The following HTR1F variants were observed in gnomAD, a reference collection of about 807,000 sequenced individuals.
The protein encoded by HTR1F is 5-hydroxytryptamine receptor 1F, also known as 5-hydroxytryptamine (serotonin) receptor 1F, G protein-coupled.
In HTR1F, 17 loss-of-function variants were observed where a neutral mutation model predicts 24.0. The ratio of observed to expected loss-of-function variants is 0.71; its 90% CI spans 0.48 to 1.06. HTR1F has a LOEUF of 1.06. Among genes scored for constraint, HTR1F ranks in the 50% least tolerant of loss-of-function variants. The probability of loss-of-function intolerance (pLI) is 0.00; values close to 1 mark genes in which losing one functional copy is unlikely to be tolerated. For missense variants in HTR1F, 391 were observed against 427.8 expected, an observed-to-expected ratio of 0.91 and a Z score of 0.76; for synonymous variants, 186 against 156.8, an observed-to-expected ratio of 1.19 and a Z score of -1.39.
At chr3:87,978,262 C>T (rs970444329) in intron 2 of HTR1F, among the ~76,000 whole-genome samples, 2 of 152,176 alleles carry the variant, frequency 1.3e-5, no homozygotes, top group Non-Finnish European at 1.5e-5. Context: ...TGCACCACTC[C>T]CTGAGCTCCC....
intron 2 of HTR1F, among the ~76,000 whole-genome samples, chr3:87,934,836 T>C (rs1004329371): frequency 6.6e-6 from 1 of 152,166 alleles, no homozygotes; most frequent in African/African-American, 2.4e-5. Flanking sequence ...AAATTCAGAA[T>C]GTCTGAATTT....
chr3:87,840,823 C>T (rs1242887669), intron 2 of HTR1F, among the ~76,000 whole-genome samples: 1 of 151,830 alleles, frequency 6.6e-6, no homozygotes, highest in Admixed American at 6.6e-5. Context: ...GTTAAATTCA[C>T]CAGGCACAGA....
chr3:87,912,182 A>C (rs959880843), intron 2 of HTR1F, among the ~76,000 whole-genome samples: 1 of 152,076 alleles, frequency 6.6e-6, no homozygotes, highest in Non-Finnish European at 1.5e-5. Context: ...TCTAAGCACA[A>C]AAGCTCCTTA....
At chr3:87,986,163 T>G (rs1478928806) in intron 2 of HTR1F, among the ~76,000 whole-genome samples, 2 of 152,278 alleles carry the variant, frequency 1.3e-5, no homozygotes, top group Non-Finnish European at 2.9e-5. Flanking sequence ...ACCATGAAGA[T>G]GCACAGCAGG....
intron 2 of HTR1F, among the ~76,000 whole-genome samples, chr3:87,941,465 G>A (rs1175361541): frequency 3.3e-5 from 5 of 152,194 alleles, no homozygotes. Context: ...CACAGGTAGA[G>A]AGGAAATTTA....
At chr3:87,948,848 A>G (rs1704771745) in intron 2 of HTR1F, among the ~76,000 whole-genome samples, 1 of 152,196 alleles carries the variant, frequency 6.6e-6, no homozygotes, top group Non-Finnish European at 1.5e-5. Context: ...TTTTAATGTT[A>G]TGCCATGTTT....
chr3:87,938,998 C>G (rs929754871), intron 2 of HTR1F, among the ~76,000 whole-genome samples: 2 of 152,138 alleles, frequency 1.3e-5, no homozygotes, highest in African/African-American at 4.8e-5. Flanking sequence ...AAGCAAATAA[C>G]CTACAGAAAA....
At chr3:87,987,830 A>T (rs536864664) in intron 2 of HTR1F, among the ~76,000 whole-genome samples, 5 of 144,538 alleles carry the variant, frequency 3.5e-5, no homozygotes, top group East Asian at 2.0e-4. Context: ...TATATATATA[A>T]AATATATGTA....
chr3:87,897,236 T>TTA (rs57031236), intron 2 of HTR1F, among the ~76,000 whole-genome samples: 44,261 of 146,420 alleles, frequency 0.3, 7,916 homozygotes, highest in African/African-American at 0.51. Context: ...TATAAATGTT[T>TTA]TATATATATA....
chr3:87,859,741 TTTAAC>T (rs1459697960), intron 2 of HTR1F, among the ~76,000 whole-genome samples: 2 of 152,160 alleles, frequency 1.3e-5, no homozygotes, highest in Non-Finnish European at 2.9e-5. Context: ...ACCACTAAGT[TTTAAC>T]TTAATTCATT....
intron 2 of HTR1F, among the ~76,000 whole-genome samples, chr3:87,971,133 C>T (rs1025383155): frequency 6.6e-6 from 1 of 152,182 alleles, no homozygotes; most frequent in Non-Finnish European, 1.5e-5. Flanking sequence ...ACATATTCAC[C>T]AGCTGTAAAT....
chr3:87,912,077 A>G (rs1258719550), intron 2 of HTR1F, among the ~76,000 whole-genome samples: 1 of 152,106 alleles, frequency 6.6e-6, no homozygotes, highest in Non-Finnish European at 1.5e-5. Context: ...GCAATCAGAC[A>G]AGAGAAAGAA....
At chr3:87,983,311 T>C (rs1485929374) in intron 2 of HTR1F, among the ~76,000 whole-genome samples, 1 of 152,108 alleles carries the variant, frequency 6.6e-6, no homozygotes, top group Non-Finnish European at 1.5e-5. Flanking sequence ...ATGGCAAATA[T>C]AGGCAAGGTT....
At chr3:87,842,840 G>T (rs753565200) in intron 2 of HTR1F, among the ~76,000 whole-genome samples, 3 of 151,844 alleles carry the variant, frequency 2.0e-5, no homozygotes, top group South Asian at 2.1e-4. Flanking sequence ...GATTTTCCTC[G>T]ATCAGAGATC....
rs1224922029 is a variant in HTR1F, at chr3:87,991,770, C to A, written c.1021C>A (p.Leu341Ile). The A allele has an allele frequency of 6.2e-7, 1 of 1,612,130 alleles. No homozygotes were observed. Among genetic ancestry groups the A allele is most frequent in the South Asian group, 1.1e-5 (1 of 90,628 alleles). Residue 341 changes from leucine to isoleucine, a missense_variant, in exon 3 of 3, where the codon CTT becomes ATT. Coordinates refer to ENST00000319595, the MANE Select transcript of HTR1F (RefSeq NM_001322209.2). Reference protein sequence around the residue: ...FLAWLGYLNSLINPLIYTIFN... With the variant: ...FLAWLGYLNSIINPLIYTIFN... Reference sequence around the variant, plus strand: ...GGCATGGCTTGGGTATCTCAATTCCCTTATAAATCCACTGATTTACACAAT... The same window carrying A: ...GGCATGGCTTGGGTATCTCAATTCCATTATAAATCCACTGATTTACACAAT...
At chr3:87,824,257 A>T (rs943906908) in intron 2 of HTR1F, among the ~76,000 whole-genome samples, 2 of 152,146 alleles carry the variant, frequency 1.3e-5, no homozygotes, top group Admixed American at 1.3e-4. Flanking sequence ...GTCCTACTAT[A>T]CCCTTGGTTG....
At chr3:87,938,215 G>A (rs1205533898) in intron 2 of HTR1F, among the ~76,000 whole-genome samples, 1 of 152,124 alleles carries the variant, frequency 6.6e-6, no homozygotes, top group South Asian at 2.1e-4. Context: ...AAAGTACCTA[G>A]GAATACAGCT....
chr3:87,854,427 T>G (rs1326046607), intron 2 of HTR1F, among the ~76,000 whole-genome samples: 1 of 152,034 alleles, frequency 6.6e-6, no homozygotes, highest in African/African-American at 2.4e-5. Flanking sequence ...CCTTTTTGTC[T>G]ATCTTTATTC....
At chr3:87,831,550 G>C (rs1704580909) in intron 2 of HTR1F, among the ~76,000 whole-genome samples, 1 of 151,784 alleles carries the variant, frequency 6.6e-6, no homozygotes, top group Non-Finnish European at 1.5e-5. Flanking sequence ...TTTTAGTAGA[G>C]ACGGGGTTTC....
Sources: gnomAD v4.1 joint callset for allele counts (sites outside exome capture counted in the v4.1 genomes callset) on GRCh38, gnomAD v4.1.1 for gene constraint, MANE v1.5 for transcripts, NCBI Gene and HGNC (gene_info 2026-07-23, HGNC 2026-07-21) for gene names.